CDH11: variants seen among roughly 807,000 people sequenced by gnomAD.
CDH11 encodes cadherin 11.
CDH11 carries 11 observed loss-of-function variants against 67.8 expected under a neutral mutation model. The ratio of observed to expected loss-of-function variants is 0.16; its 90% CI spans 0.10 to 0.27. CDH11 has a LOEUF of 0.27. Among genes scored for constraint, CDH11 ranks in the 10% least tolerant of loss-of-function variants. CDH11 has a pLI of 1.00. For synonymous variants in CDH11, 419 were observed against 400.0 expected (o/e 1.05, Z -0.57); for missense variants, 847 against 1,031.2 (o/e 0.82, Z 2.45).
At chr16:65,003,261 A>ATTTT (rs1328520139) in intron 3 of CDH11, among the ~76,000 whole-genome samples, 5 of 151,642 alleles carry the variant, frequency 3.3e-5, no homozygotes, top group South Asian at 2.1e-4. Flanking sequence ...TTATTTATTT[A>ATTTT]TTCATTCATT....
At chr16:65,059,802 C>T (rs916360115) in intron 1 of CDH11, 5 of 152,186 alleles carry the variant, frequency 3.3e-5, no homozygotes, top group African/African-American at 1.2e-4. Context: ...TCGTTGTACC[C>T]AAATAATTCC....
chr16:64,945,373 A>G lies in CDH11; in HGVS notation c.*2230T>C. On this transcript the variant is annotated 3_prime_UTR_variant, in exon 13 of 13. Coordinates refer to ENST00000268603, the MANE Select transcript of CDH11 (RefSeq NM_001797.4). ...CTGAAAAGTAAACAGCCTTTTTAAA[A>G]AAGACTTCAACATAAAAATGCGAAA... The G allele has an allele frequency of 2.0e-6, 2 of 1,024,384 alleles. No homozygotes were observed. Among genetic ancestry groups the G allele is most frequent in the Non-Finnish European group, 2.4e-6 (2 of 849,154 alleles). 63.5% of individuals were successfully genotyped at this position (1,024,384 alleles called of 1,614,324 possible).
intron 9 of CDH11, among the ~76,000 whole-genome samples, chr16:64,972,381 T>A (rs993451661): frequency 3.9e-5 from 6 of 152,186 alleles, no homozygotes; most frequent in African/African-American, 1.4e-4. Context: ...GGTTCTTAAA[T>A]GTGGGAGTCT....
intron 2 of CDH11, among the ~76,000 whole-genome samples, chr16:65,031,001 G>C (rs978193285): frequency 1.3e-5 from 2 of 152,138 alleles, no homozygotes; most frequent in Admixed American, 6.6e-5. Flanking sequence ...AGGATGAAAG[G>C]ATTAACTATG....
chr16:64,988,433 A>G, intron 6 of CDH11, 89 bp from the exon 7 acceptor site: 1 of 1,220,546 alleles, frequency 8.2e-7, no homozygotes, highest in Non-Finnish European at 1.1e-6. Flanking sequence ...AAATTTCTCA[A>G]AGGATTTGAA....
intron 1 of CDH11, among the ~76,000 whole-genome samples, chr16:65,082,130 A>T (rs761572105): frequency 6.6e-5 from 10 of 152,132 alleles, no homozygotes; most frequent in Non-Finnish European, 1.5e-4. Context: ...TTGCCCACCT[A>T]CATTCTTTTC....
At chr16:65,009,930 T>C (rs1177458267) in intron 2 of CDH11, among the ~76,000 whole-genome samples, 5 of 152,152 alleles carry the variant, frequency 3.3e-5, no homozygotes, top group Non-Finnish European at 7.4e-5. Context: ...AGCATAAAAC[T>C]CTCTTGCTGT....
chr16:65,068,402 A>C (rs2074355994), intron 1 of CDH11, among the ~76,000 whole-genome samples: 1 of 116,326 alleles, frequency 8.6e-6, no homozygotes, highest in Non-Finnish European at 1.7e-5. Flanking sequence ...CCGAAATAAG[A>C]TATGACTACA....
chr16:65,062,253 C>CT (rs2074245497), intron 1 of CDH11, among the ~76,000 whole-genome samples: 1 of 152,212 alleles, frequency 6.6e-6, no homozygotes, highest in African/African-American at 2.4e-5. Flanking sequence ...CTGAGACAGT[C>CT]TCTTACATTT....
intron 2 of CDH11, among the ~76,000 whole-genome samples, chr16:65,017,417 C>A (rs2073333411): frequency 6.6e-6 from 1 of 152,120 alleles, no homozygotes; most frequent in Non-Finnish European, 1.5e-5. Context: ...CTATTAGGGT[C>A]TCTTTTATTC....
intron 11 of CDH11, among the ~76,000 whole-genome samples, chr16:64,954,999 C>T (rs182180399): frequency 6.6e-6 from 1 of 151,140 alleles, no homozygotes; most frequent in East Asian, 1.9e-4. Context: ...GTAATCCCAG[C>T]ACTTTGGGAG....
Position 64,972,999 on chromosome 16 carries a change from G to A in CDH11, c.1295C>T (p.Thr432Ile), listed in dbSNP as rs754852648. 3.7e-6 allele frequency: 6 copies of A among 1,613,588 alleles called. No individual in the cohort carries two copies. The highest frequency in any genetic ancestry group is 5.1e-6 in the Non-Finnish European group (6 of 1,179,788). Residue 432 changes from threonine to isoleucine, a missense_variant, in exon 9 of 13, where the codon ACT (threonine) becomes ATT (isoleucine). Thr to Ile is a moderately conservative substitution (Grantham distance 89). Around this residue, in one of 2 missense-constraint regions of CDH11, gnomAD observed 612 missense variants for 678.7 expected, o/e 0.90. Transcript: ENST00000268603. Reference sequence around the variant, plus strand: ...AATAAAACCATCCTCTGGATTAATAGTGAAAAATCTGTCGAGGTCAGTGTG... The same window carrying A: ...AATAAAACCATCCTCTGGATTAATAATGAAAAATCTGTCGAGGTCAGTGTG... ...DRHTDLDRFF[T>I]INPEDGFIKT... is the part of the protein sequence containing the mutation.
intron 2 of CDH11, among the ~76,000 whole-genome samples, chr16:65,021,487 A>G (rs569554177): frequency 6.6e-6 from 1 of 151,956 alleles, no homozygotes; most frequent in Non-Finnish European, 1.5e-5. Context: ...TCTGAGAAGA[A>G]AAAAGCTTTT....
chr16:64,976,851 AAACCAACCAACCAACC>A (rs143816723), intron 8 of CDH11, among the ~76,000 whole-genome samples: 33 of 147,084 alleles, frequency 2.2e-4, no homozygotes, highest in East Asian at 6.2e-4. Flanking sequence ...CGGTCTCCAA[AAACCAACCAACCAACC>A]AACCAACCAA....
chr16:65,082,419 T>C (rs551963514), intron 1 of CDH11, among the ~76,000 whole-genome samples: 2 of 152,278 alleles, frequency 1.3e-5, no homozygotes, highest in South Asian at 2.1e-4. Flanking sequence ...GTGAGGCTTA[T>C]ACAAACCACA....
intron 11 of CDH11, among the ~76,000 whole-genome samples, chr16:64,956,984 T>C (rs2071531391): frequency 6.6e-6 from 1 of 151,702 alleles, no homozygotes; most frequent in African/African-American, 2.4e-5. Flanking sequence ...AAAATAAAAA[T>C]AAAAAAGGAA....
At position 64,948,029 on chromosome 16, in the gene CDH11, A is replaced by T. The variant is rs1405635240; in HGVS notation, c.1965T>A (p.Asp655Glu). Residue 655 changes from aspartate to glutamate, a missense_variant, in exon 13 of 13, where the codon GAT (aspartate) becomes GAA (glutamate). Coordinates refer to ENST00000268603, the MANE Select transcript of CDH11 (RefSeq NM_001797.4). ...CATAAGTAATGATGTTCTCACGGAC[A>T]TCTTCTTCCTCAAAGACAATGAGTG... ...KEPLIVFEEE[D>E]VRENIITYDD... is the part of the protein sequence containing the mutation. The T allele has an allele frequency of 6.2e-7, 1 of 1,614,058 alleles. No homozygotes were observed. The highest frequency in any genetic ancestry group is 1.3e-5 in the African/African-American group (1 of 74,914).
intron 1 of CDH11, among the ~76,000 whole-genome samples, chr16:65,115,949 G>C (rs1192570820): frequency 6.6e-6 from 1 of 151,938 alleles, no homozygotes; most frequent in Non-Finnish European, 1.5e-5. Context: ...AATAAATAAT[G>C]AAGATTAGTG....
intron 2 of CDH11, among the ~76,000 whole-genome samples, chr16:65,027,496 C>T (rs1345660703): frequency 6.6e-6 from 1 of 152,222 alleles, no homozygotes; most frequent in Admixed American, 6.5e-5. Flanking sequence ...AAAGTAAGTG[C>T]TTTCCAGCAT....
Sources: allele counts gnomAD v4.1 joint callset (sites outside exome capture counted in the v4.1 genomes callset), GRCh38; gene constraint gnomAD v4.1.1; regional missense constraint gnomAD v4.1.1; transcripts MANE v1.5; gene names NCBI Gene and HGNC (gene_info 2026-07-23, HGNC 2026-07-21).